KCNMA1: variants seen among roughly 807,000 people sequenced by gnomAD.
KCNMA1 encodes the protein potassium calcium-activated channel subfamily M alpha 1, also known as Calcium-activated potassium channel subunit alpha-1.
KCNMA1 carries 29 observed loss-of-function variants against 140.0 expected under a neutral mutation model. That is an observed-to-expected ratio of 0.21 (90% CI 0.15 to 0.28). The LOEUF is 0.28. Among genes scored for constraint, KCNMA1 ranks in the 10% least tolerant of loss-of-function variants. The pLI is 1.00. For synonymous variants in KCNMA1, 612 were observed against 611.9 expected, an observed-to-expected ratio of 1.00 and a Z score of 0.00; for missense variants, 880 against 1,602.2, an observed-to-expected ratio of 0.55 and a Z score of 7.70.
At chr10:76,991,300 C>T (rs1166985503) in intron 19 of KCNMA1, among the ~76,000 whole-genome samples, 3 of 152,238 alleles carry the variant, frequency 2.0e-5, no homozygotes, top group African/African-American at 7.2e-5. Flanking sequence ...AACCCTGCCA[C>T]TCCTCATTGG....
intron 1 of KCNMA1, among the ~76,000 whole-genome samples, chr10:77,587,524 C>G (rs1307602130): frequency 6.6e-6 from 1 of 152,144 alleles, no homozygotes; most frequent in African/African-American, 2.4e-5. Context: ...GGAGCCTTTC[C>G]TCCTAAGCTC....
intron 17 of KCNMA1, among the ~76,000 whole-genome samples, chr10:77,017,119 C>T (rs1396889642): frequency 6.6e-6 from 1 of 152,148 alleles, no homozygotes; most frequent in Admixed American, 6.5e-5. Context: ...AGACATATTG[C>T]ACTCCCTAAT....
intron 1 of KCNMA1, among the ~76,000 whole-genome samples, chr10:77,562,849 A>C (rs1174059894): frequency 6.6e-6 from 1 of 152,242 alleles, no homozygotes; most frequent in East Asian, 1.9e-4. Context: ...GGATGGAAGA[A>C]GTCTTTCTTT....
intron 1 of KCNMA1, among the ~76,000 whole-genome samples, chr10:77,445,962 T>A (rs1276936915): frequency 6.6e-6 from 1 of 152,048 alleles, no homozygotes; most frequent in Non-Finnish European, 1.5e-5. Flanking sequence ...CAGTGTGGGC[T>A]GGAGAGAGAG....
chr10:76,877,764 A>G (rs2032662141), exon 30 of KCNMA1: 1 of 1,560,106 alleles, frequency 6.4e-7, no homozygotes, highest in Non-Finnish European at 8.7e-7. Context: ...AACTTCTCTG[A>G]TTGGTGGAAT....
intron 3 of KCNMA1, among the ~76,000 whole-genome samples, chr10:77,198,636 A>T (rs1355600754): frequency 6.7e-6 from 1 of 150,056 alleles, no homozygotes; most frequent in Non-Finnish European, 1.5e-5. Flanking sequence ...ACTGTTTTAA[A>T]TTCAGTAGAG....
chr10:77,506,840 AGTGTGTGTGTGT>A (rs67309788), intron 1 of KCNMA1, among the ~76,000 whole-genome samples: 64 of 120,954 alleles, frequency 5.3e-4, no homozygotes, highest in Non-Finnish European at 2.2e-4. Flanking sequence ...AGAGAGAGAG[AGTGTGTGTGTGT>A]GTGTGTGTGT....
chr10:77,320,023 C>T (rs1036030084), intron 2 of KCNMA1, among the ~76,000 whole-genome samples: 2 of 152,210 alleles, frequency 1.3e-5, no homozygotes, highest in Admixed American at 1.3e-4. Flanking sequence ...GTCAGACTTT[C>T]ACACTAAACC....
At chr10:77,466,852 C>T (rs985098153) in intron 1 of KCNMA1, among the ~76,000 whole-genome samples, 4 of 148,062 alleles carry the variant, frequency 2.7e-5, no homozygotes, top group South Asian at 2.2e-4. Context: ...CAGGTTATCA[C>T]CTTTGATTTG....
intron 2 of KCNMA1, among the ~76,000 whole-genome samples, chr10:77,342,838 C>T (rs924381483): frequency 3.3e-5 from 5 of 152,182 alleles, no homozygotes; most frequent in East Asian, 1.9e-4. Context: ...GGAGCAGAGC[C>T]GAGCCCCATC....
At chr10:77,228,965 T>C (rs2052549159) in intron 3 of KCNMA1, among the ~76,000 whole-genome samples, 1 of 152,252 alleles carries the variant, frequency 6.6e-6, no homozygotes, top group African/African-American at 2.4e-5. Context: ...TTAGTGTTAT[T>C]TGAAAGATGT....
At chr10:76,958,630 T>C (rs2069446480) in intron 20 of KCNMA1, among the ~76,000 whole-genome samples, 1 of 152,150 alleles carries the variant, frequency 6.6e-6, no homozygotes, top group Non-Finnish European at 1.5e-5. Context: ...ACTGGTGTCC[T>C]TACAAGAAGA....
At chr10:77,198,568 GATATATAT>G (rs3998087) in intron 3 of KCNMA1, among the ~76,000 whole-genome samples, 35 of 138,410 alleles carry the variant, frequency 2.5e-4, no homozygotes, top group African/African-American at 7.4e-4. Flanking sequence ...ATATATATGT[GATATATAT>G]ATATATATAT....
chr10:77,467,007 G>A (rs535629270), intron 1 of KCNMA1, among the ~76,000 whole-genome samples: 4 of 152,298 alleles, frequency 2.6e-5, no homozygotes, highest in Non-Finnish European at 5.9e-5. Context: ...AAGAAAGCCA[G>A]ACCCCTGTGC....
intron 1 of KCNMA1, among the ~76,000 whole-genome samples, chr10:77,548,812 A>C (rs1438827590): frequency 6.6e-6 from 1 of 152,228 alleles, no homozygotes; most frequent in Non-Finnish European, 1.5e-5. Context: ...TCAGTCATGC[A>C]ACAAGTAATT....
chr10:77,032,734 CTT>C (rs769623391), intron 15 of KCNMA1, among the ~76,000 whole-genome samples: 2 of 149,860 alleles, frequency 1.3e-5, no homozygotes. Context: ...CCCAACCCCC[CTT>C]TTTTTTTTTT....
intron 1 of KCNMA1, among the ~76,000 whole-genome samples, chr10:77,488,582 G>A (rs1333127921): frequency 3.3e-5 from 5 of 152,268 alleles, no homozygotes; most frequent in East Asian, 1.9e-4. Flanking sequence ...CTGAGCTGCC[G>A]GCTCAGCAGC....
intron 19 of KCNMA1, among the ~76,000 whole-genome samples, chr10:76,979,227 C>T (rs549732412): frequency 2.0e-5 from 3 of 152,292 alleles, no homozygotes; most frequent in East Asian, 1.9e-4. Context: ...AACACTTCCT[C>T]GTGGATTTAC....
intron 24 of KCNMA1, chr10:76,911,600 G>C (rs1253538533): frequency 6.6e-6 from 1 of 152,224 alleles, no homozygotes; most frequent in South Asian, 2.1e-4. Context: ...GCCTGGCCCA[G>C]CATCTGGATC....
Sources: allele counts gnomAD v4.1 joint callset (sites outside exome capture counted in the v4.1 genomes callset), GRCh38; gene constraint gnomAD v4.1.1; transcripts MANE v1.5; gene names NCBI Gene and HGNC (gene_info 2026-07-23, HGNC 2026-07-21).